Variants in HERC6 observed in about 807,000 individuals in gnomAD.
HERC6 encodes the protein probable E3 ubiquitin-protein ligase HERC6.
In HERC6, 101 loss-of-function variants were observed where a neutral mutation model predicts 114.5. The observed-to-expected ratio is 0.88, with a 90% confidence interval of 0.75 to 1.04. The LOEUF is 1.04. Ranked by LOEUF, HERC6 falls within the 50% of genes least tolerant of loss-of-function variation. The probability of loss-of-function intolerance (pLI) is 0.00; values close to 1 mark genes in which losing one functional copy is unlikely to be tolerated. For synonymous variants in HERC6, 408 were observed against 436.2 expected (o/e 0.94, Z 0.81); for missense variants, 1,133 against 1,230.9 (o/e 0.92, Z 1.19).
chr4:88,436,906 A>T lies in HERC6; in HGVS notation c.2419A>T (p.Ser807Cys). The change falls in exon 19 of 23, where the codon AGT becomes TGT. Residue 807 changes from serine to cysteine, a missense_variant and splice_region_variant. By Grantham distance (112) the Ser-to-Cys change is moderately radical (BLOSUM62 -1). Coordinates refer to ENST00000264346, the MANE Select transcript of HERC6 (RefSeq NM_017912.4). Reference sequence around the variant, plus strand: ...TTTTAAAACCAAAATCTTCATTAGGAGTTTGCAAGAAGTTCTAGATGATGC... The same window carrying T: ...TTTTAAAACCAAAATCTTCATTAGGTGTTTGCAAGAAGTTCTAGATGATGC... The part of the protein sequence containing the change: ...LKELSPRLGK[S>C]LQEVLDDAAD... The T allele has an allele frequency of 8.1e-6, 13 of 1,597,292 alleles. No individual in the cohort carries two copies. The highest frequency in any genetic ancestry group is 1.1e-5 in the Non-Finnish European group (13 of 1,171,732).
At chr4:88,404,194 T>A (rs1173165206) in intron 8 of HERC6, among the ~76,000 whole-genome samples, 1 of 103,604 alleles carries the variant, frequency 9.7e-6, no homozygotes, top group Non-Finnish European at 2.2e-5. Flanking sequence ...ATTTCATTTC[T>A]TTTTTTTTTT....
chr4:88,426,058 C>T (rs1053452558), intron 15 of HERC6, among the ~76,000 whole-genome samples: 2 of 152,132 alleles, frequency 1.3e-5, no homozygotes, highest in African/African-American at 2.4e-5. Context: ...TCCAATGTGC[C>T]ATGCCCCATA....
At chr4:88,385,395 T>A (rs1319387413) in intron 2 of HERC6, 104 bp from the exon 3 acceptor site, 4 of 648,180 alleles carry the variant, frequency 6.2e-6, no homozygotes, top group Non-Finnish European at 1.1e-5. Context: ...AAAATAGTTT[T>A]CCTGGACCAG....
At chr4:88,407,026 T>C (rs1322228456) in intron 10 of HERC6, among the ~76,000 whole-genome samples, 1 of 152,094 alleles carries the variant, frequency 6.6e-6, no homozygotes, top group African/African-American at 2.4e-5. Context: ...CCCAAAGTGC[T>C]GGGATTACTG....
At position 88,442,961 on chromosome 4, in the gene HERC6, G is replaced by C. The variant is rs369911216; in HGVS notation, c.*501G>C. On this transcript the variant is annotated 3_prime_UTR_variant, in exon 23 of 23. Transcript: ENST00000264346. The stretch of plus-strand genomic sequence containing the variant: ...GTAACCATCAAGAAACCTCTACAGG[G>C]TACTTAAGCCCCAGAAGATTTTGCT... 1.2e-5 allele frequency: 2 copies of C among 160,532 alleles called. No individual in the cohort carries two copies. Among genetic ancestry groups the C allele is most frequent in the Non-Finnish European group, 2.8e-5 (2 of 72,382 alleles). The allele number at this position is 160,532 out of a possible 1,614,324, so 9.9% of individuals were successfully genotyped here.
At chr4:88,436,805 T>C (rs796829633) in intron 18 of HERC6, 100 bp from the exon 19 acceptor site, 2 of 711,492 alleles carry the variant, frequency 2.8e-6, no homozygotes, top group African/African-American at 3.7e-5. Flanking sequence ...TATTATATTT[T>C]ATACATTTCT....
At chr4:88,387,051 A>G (rs1024439610) in intron 3 of HERC6, among the ~76,000 whole-genome samples, 17 of 152,228 alleles carry the variant, frequency 1.1e-4, no homozygotes, top group African/African-American at 4.1e-4. Flanking sequence ...TCTATGTGCC[A>G]GCTGCCATGT....
At chr4:88,383,199 T>C (rs747306590) in intron 1 of HERC6, 22 bp from the exon 2 acceptor site, 1 of 1,600,466 alleles carries the variant, frequency 6.2e-7, no homozygotes, top group South Asian at 1.1e-5. Flanking sequence ...GGTTGGGGGG[T>C]GTTTTGTTTT....
At chr4:88,391,891 C>T (rs67617289) in intron 4 of HERC6, among the ~76,000 whole-genome samples, 38,066 of 151,966 alleles carry the variant, frequency 0.25, 5,021 homozygotes, top group African/African-American at 0.33. Context: ...TTCATTTCAC[C>T]ATTTCAGCAT....
chr4:88,424,539 A>G, intron 14 of HERC6, 56 bp from the exon 15 acceptor site: 1 of 1,303,498 alleles, frequency 7.7e-7, no homozygotes, highest in Non-Finnish European at 1.1e-6. Flanking sequence ...TAAAGGAAGT[A>G]AGTTTTTTTT....
rs141084977 is a variant in HERC6, at chr4:88,391,293, A to G, written c.664+414A>G. ...GCTGATCAAGTCTTTCTCAAGTCAC[A>G]TTACTTTCACATAGACTCTTCTGCC... On this transcript the variant is annotated intron_variant, in intron 4 of 22. Coordinates refer to ENST00000264346, the MANE Select transcript of HERC6 (RefSeq NM_017912.4). 1.1e-4 allele frequency among the ~76,000 whole-genome samples: 17 copies of G among 152,332 alleles called. 1 individual carries two copies. In the East Asian group the frequency reaches 3.1e-3, roughly 28 times the overall value.
chr4:88,383,192 TG>T (rs747737859), intron 1 of HERC6, 28 bp from the exon 2 acceptor site: 6 of 1,602,194 alleles, frequency 3.7e-6, no homozygotes, highest in East Asian at 2.2e-5. Context: ...CAGTGGTGGT[TG>T]GGGGGTGTTT....
At chr4:88,432,281 G>A (rs1307167580) in intron 17 of HERC6, among the ~76,000 whole-genome samples, 2 of 151,802 alleles carry the variant, frequency 1.3e-5, no homozygotes, top group Admixed American at 6.6e-5. Flanking sequence ...ATATCTCACT[G>A]TGTTTATGCA....
intron 17 of HERC6, among the ~76,000 whole-genome samples, chr4:88,435,343 G>T (rs1273195268): frequency 6.6e-6 from 1 of 151,844 alleles, no homozygotes; most frequent in East Asian, 1.9e-4. Context: ...CATCTAATAT[G>T]CCTGGTGACC....
intron 13 of HERC6, among the ~76,000 whole-genome samples, 197 bp downstream of exon 13, chr4:88,417,776 A>T (rs1736634139): frequency 6.6e-6 from 1 of 152,122 alleles, no homozygotes; most frequent in South Asian, 2.1e-4. Context: ...AGGACTTAAG[A>T]TGTTTTGTAA....
At position 88,396,046 on chromosome 4, in the gene HERC6, G is replaced by T. The variant is rs745428081; in HGVS notation, c.791G>T (p.Arg264Leu). The part of the protein sequence containing the change: ...DGKVFTFGDN[R>L]SGQLGYSPTP... ...AAAGTGTTCACATTTGGAGACAATC[G>T]CTCTGGACAGCTGGGATACAGCCCC... Residue 264 changes from arginine (R) to leucine (L), a missense_variant, in exon 6 of 23, where the codon CGC becomes CTC. Arg to Leu is a moderately radical substitution (Grantham distance 102). Coordinates refer to ENST00000264346, the MANE Select transcript of HERC6 (RefSeq NM_017912.4). The T allele has an allele frequency of 7.5e-6, 12 of 1,605,902 alleles. No homozygotes were observed. The highest frequency in any genetic ancestry group is 1.7e-5 in the Admixed American group (1 of 58,708).
Position 88,403,050 on chromosome 4 carries a change from A to G in HERC6, c.1093-1826A>G, listed in dbSNP as rs373483018. 6.6e-5 allele frequency among the ~76,000 whole-genome samples: 10 copies of G among 152,252 alleles called. No homozygotes were observed. The East Asian group carries it at 1.5e-3, about 23-fold the overall frequency. ...CAGTGGAGGCATAGGTATAAGTTAT[A>G]GCAGAGCACTAATGCCTTTGGAGGA... On this transcript the variant is annotated intron_variant, in intron 8 of 22. Coordinates refer to ENST00000264346, the MANE Select transcript of HERC6 (RefSeq NM_017912.4).
Position 88,423,932 on chromosome 4 carries a change from T to A in HERC6, c.1786T>A (p.Tyr596Asn), listed in dbSNP as rs542622075. Residue 596 changes from tyrosine to asparagine, a missense_variant, in exon 14 of 23, where the codon TAT (tyrosine) becomes AAT (asparagine). Tyr to Asn is a moderately radical substitution (Grantham distance 143). This residue lies in a region of HERC6 where 735 missense variants were observed against 754.0 expected (regional missense o/e 0.97). Transcript: ENST00000264346. ...INELSNLLNF[Y>N]IDRGRQLFRD... is the part of the protein sequence containing the mutation. ...TGAACTCTCCAACTTATTAAACTTT[T>A]ATATAGATAGAGGAAGACAGCTCTT... 14 of 1,566,236 alleles carry A rather than the reference T, an allele frequency of 8.9e-6. No individual in the cohort carries two copies. In the African/African-American group the frequency reaches 1.8e-4, roughly 20 times the overall value.
intron 15 of HERC6, 138 bp downstream of exon 15, chr4:88,424,840 T>A: frequency 3.3e-6 from 2 of 611,302 alleles, no homozygotes; most frequent in South Asian, 4.4e-5. Flanking sequence ...TTTTTCTTTG[T>A]TGTTGTTACT....
Sources: allele counts gnomAD v4.1 joint callset (sites outside exome capture counted in the v4.1 genomes callset), GRCh38; gene constraint gnomAD v4.1.1; regional missense constraint gnomAD v4.1.1; transcripts MANE v1.5; gene names NCBI Gene and HGNC (gene_info 2026-07-23, HGNC 2026-07-21).